MRPL3: variants seen among roughly 807,000 people sequenced by gnomAD.
MRPL3 encodes large ribosomal subunit protein uL3m.
Under a neutral mutation model 44.3 loss-of-function variants are expected in MRPL3, and 43 were observed. The observed-to-expected ratio is 0.97, with a 90% CI of 0.76 to 1.25. The LOEUF (loss-of-function observed/expected upper bound fraction) is 1.25, where lower values mean the gene tolerates loss of function less well. Among genes scored for constraint, MRPL3 ranks in the 50% most tolerant of loss-of-function variants. The probability of loss-of-function intolerance (pLI) is 0.00; values close to 1 mark genes in which losing one functional copy is unlikely to be tolerated. For synonymous variants in MRPL3, 171 were observed against 152.3 expected, an observed-to-expected ratio of 1.12 and a Z score of -0.91; for missense variants, 406 against 427.6, an observed-to-expected ratio of 0.95 and a Z score of 0.45.
Position 131,462,712 on chromosome 3 carries a change from G to A in MRPL3, c.*11C>T, listed in dbSNP as rs777375546. ...CACAGAATATGTAAGGTTCTGCCAC[G>A]TCCAAAGATGTTAGGCAAATGTAAT... is the stretch of plus-strand genomic sequence containing the variant. On this transcript the variant is annotated 3_prime_UTR_variant, in exon 10 of 10. Coordinates refer to ENST00000264995, the MANE Select transcript of MRPL3 (RefSeq NM_007208.4). 1.2e-5 allele frequency: 19 copies of A among 1,607,222 alleles called. No individual in the cohort carries two copies. In the Admixed American group the frequency reaches 1.8e-4, roughly 16 times the overall value.
Position 131,502,812 on chromosome 3 carries a change from A to G in MRPL3, c.10T>C (p.Trp4Arg). 5 of 1,612,166 alleles carry G rather than the reference A, an allele frequency of 3.1e-6. No individual in the cohort carries two copies. Among genetic ancestry groups the G allele is most frequent in the Non-Finnish European group, 4.2e-6 (5 of 1,179,400 alleles). Reference protein sequence around the residue: MPGWRLLTQVGAQV... With the variant: MPGRRLLTQVGAQV... ...GCGCCGACCTGCGTCAGCAGCCTCC[A>G]ACCCGGCATGGATTAGCCCGGGAAG... The change falls in exon 1 of 10, where the codon TGG (tryptophan) becomes CGG (arginine). Residue 4 changes from tryptophan (W) to arginine (R), a missense_variant. Physicochemically the swap from Trp to Arg is moderately radical, Grantham distance 101. Coordinates refer to ENST00000264995, the MANE Select transcript of MRPL3 (RefSeq NM_007208.4).
At chr3:131,482,512 C>G (rs973999327) in intron 6 of MRPL3, among the ~76,000 whole-genome samples, 5 of 143,734 alleles carry the variant, frequency 3.5e-5, no homozygotes, top group African/African-American at 1.3e-4. Flanking sequence ...AAGACTCCGT[C>G]TCAAAAAAAA....
intron 9 of MRPL3, among the ~76,000 whole-genome samples, chr3:131,467,007 CA>C (rs1559811548): frequency 6.6e-6 from 1 of 152,100 alleles, no homozygotes; most frequent in Non-Finnish European, 1.5e-5. Flanking sequence ...TATTTTCCCC[CA>C]GCCTCTGGTA....
chr3:131,465,013 T>C (rs1349072152), intron 9 of MRPL3, among the ~76,000 whole-genome samples: 1 of 152,198 alleles, frequency 6.6e-6, no homozygotes, highest in Non-Finnish European at 1.5e-5. Context: ...TATAAAATGT[T>C]CCCCAAATTC....
chr3:131,489,883 CTT>C (rs1223109252), intron 5 of MRPL3, 96 bp downstream of exon 5: 12 of 660,144 alleles, frequency 1.8e-5, no homozygotes, highest in African/African-American at 1.3e-4. Context: ...GTGTTTGAGA[CTT>C]TGCATTTTAG....
intron 8 of MRPL3, among the ~76,000 whole-genome samples, chr3:131,469,180 TTCC>T (rs373416822): frequency 1.9e-4 from 29 of 151,740 alleles, no homozygotes; most frequent in Admixed American, 9.2e-4. Context: ...GTGCTATTGT[TTCC>T]TCCTATTTTG....
At position 131,462,609 on chromosome 3, in the gene MRPL3, CAT is replaced by C; in HGVS notation, c.*112_*113del. 1.0e-5 allele frequency: 10 copies of C among 994,360 alleles called. No individual in the cohort carries two copies. The highest frequency in any genetic ancestry group is 1.6e-5 in the African/African-American group (1 of 61,074). The allele number at this position is 994,360 out of a possible 1,614,324, so 61.6% of individuals were successfully genotyped here. A position where few individuals can be genotyped will look rare whatever the true frequency, so the allele number is the denominator to read the frequency against. On this transcript the variant is annotated 3_prime_UTR_variant, in exon 10 of 10. Coordinates refer to ENST00000264995, the MANE Select transcript of MRPL3 (RefSeq NM_007208.4). ...ATATTTATGCCCTTGACAAAGATGA[CAT>C]GTGTGATTTTGTTGTGACTAAGAAA...
Position 131,487,702 on chromosome 3 carries a change from A to G in MRPL3, c.607T>C (p.Tyr203His), listed in dbSNP as rs372170222. Residue 203 changes from tyrosine to histidine, a missense_variant, in exon 6 of 10, where the codon TAT becomes CAT. Transcript: ENST00000264995. Reference protein sequence around the residue: ...LYAAHFRPGQYVDVTAKTIGK... With the variant: ...LYAAHFRPGQHVDVTAKTIGK... ...TACGTTTTGGCTGTGACATCCACATACTGTCCTGGACGAAAGTGAGCAGCA... is the reference window on the plus strand; with the variant it reads ...TACGTTTTGGCTGTGACATCCACATGCTGTCCTGGACGAAAGTGAGCAGCA... 11 of 1,611,392 alleles carry G rather than the reference A, an allele frequency of 6.8e-6. No individual in the cohort carries two copies. In the African/African-American group the frequency reaches 1.3e-4, roughly 20 times the overall value.
At chr3:131,476,376 A>G (rs1176860454) in intron 6 of MRPL3, among the ~76,000 whole-genome samples, 1 of 152,198 alleles carries the variant, frequency 6.6e-6, no homozygotes, top group Non-Finnish European at 1.5e-5. Flanking sequence ...TCAACTTGAG[A>G]ACAAAAATAA....
At position 131,487,724 on chromosome 3, in the gene MRPL3, A is replaced by C; in HGVS notation, c.585T>G (p.Ala195=). ...CATACTGTCCTGGACGAAAGTGAGC[A>C]GCATAAAGAGGAGTGCCTTTATGAA... The part of the protein sequence containing the change: ...AAIKPGTPLY[A]AHFRPGQYVD... Residue 195 remains alanine, a synonymous_variant, in exon 6 of 10, where the codon GCT becomes GCG. Transcript: ENST00000264995. The C allele has an allele frequency of 1.2e-6, 2 of 1,610,890 alleles. No individual in the cohort carries two copies. Among genetic ancestry groups the C allele is most frequent in the Non-Finnish European group, 1.7e-6 (2 of 1,179,242 alleles).
chr3:131,469,770 T>C lies in MRPL3; in HGVS notation c.742A>G (p.Ile248Val). Residue 248 changes from isoleucine (I) to valine (V), a missense_variant, in exon 8 of 10, where the codon ATT becomes GTT. Transcript: ENST00000264995. Reference sequence around the variant, plus strand: ...TTAGTTCCAGGCCAGACTCTGCCAATATCCTAAATGAGAAAACTAAAGTTA... The same window carrying C: ...TTAGTTCCAGGCCAGACTCTGCCAACATCCTAAATGAGAAAACTAAAGTTA... The part of the protein sequence containing the change: ...RRPGAVATGD[I>V]GRVWPGTKMP... 6.2e-7 allele frequency: 1 copy of C among 1,610,306 alleles called. No homozygotes were observed. The highest frequency in any genetic ancestry group is 1.1e-5 in the South Asian group (1 of 90,924).
chr3:131,472,993 G>A (rs527672238), intron 6 of MRPL3, among the ~76,000 whole-genome samples: 2 of 152,086 alleles, frequency 1.3e-5, no homozygotes, highest in Admixed American at 1.3e-4. Flanking sequence ...TATACAAAGT[G>A]GTCTACAGAT....
In MRPL3 at chr3:131,498,159, C is replaced by T; in HGVS notation, c.468+20G>A. On this transcript the variant is annotated intron_variant, in intron 4 of 9. Transcript: ENST00000264995. ...ACTGATGAAAAATGCAGTATTCTAG[C>T]TATGAAAATACATCCTTACACGAAA... 6.8e-7 allele frequency: 1 copy of T among 1,479,532 alleles called. No individual in the cohort carries two copies. The highest frequency in any genetic ancestry group is 9.4e-7 in the Non-Finnish European group (1 of 1,058,548). 91.7% of individuals were successfully genotyped at this position (1,479,532 alleles called of 1,614,324 possible). A position where few individuals can be genotyped will look rare whatever the true frequency, so the allele number is the denominator to read the frequency against.
intron 6 of MRPL3, among the ~76,000 whole-genome samples, chr3:131,481,561 C>T (rs1353030613): frequency 6.6e-6 from 1 of 152,172 alleles, no homozygotes; most frequent in Non-Finnish European, 1.5e-5. Context: ...TGCTTTTAGC[C>T]ACCACCTTAC....
intron 6 of MRPL3, among the ~76,000 whole-genome samples, chr3:131,473,388 A>C (rs1330591278): frequency 6.6e-6 from 1 of 152,112 alleles, no homozygotes; most frequent in East Asian, 1.9e-4. Context: ...CTCTCACCAT[A>C]TGCAAAAATC....
intron 6 of MRPL3, among the ~76,000 whole-genome samples, chr3:131,484,743 G>A (rs1253301469): frequency 4.6e-5 from 7 of 152,052 alleles, no homozygotes; most frequent in African/African-American, 1.2e-4. Context: ...GAAGGACAAC[G>A]AATCCTATAA....
chr3:131,501,197 T>C (rs112005735), intron 2 of MRPL3, among the ~76,000 whole-genome samples: 2 of 152,244 alleles, frequency 1.3e-5, no homozygotes, highest in Non-Finnish European at 2.9e-5. Context: ...TGAACATCCA[T>C]GCAACACATT....
intron 4 of MRPL3, among the ~76,000 whole-genome samples, chr3:131,491,989 A>C (rs182491403): frequency 6.6e-6 from 1 of 152,244 alleles, no homozygotes; most frequent in East Asian, 1.9e-4. Context: ...ACCCTGCTTC[A>C]GAAAAAATGC....
chr3:131,494,241 A>G (rs1436138355), intron 4 of MRPL3, among the ~76,000 whole-genome samples: 1 of 152,194 alleles, frequency 6.6e-6, no homozygotes, highest in Non-Finnish European at 1.5e-5. Flanking sequence ...GATAACACAA[A>G]TTCATTCCAA....
Sources: gnomAD v4.1 joint callset for allele counts (sites outside exome capture counted in the v4.1 genomes callset) on GRCh38, gnomAD v4.1.1 for gene constraint, MANE v1.5 for transcripts, NCBI Gene and HGNC (gene_info 2026-07-23, HGNC 2026-07-21) for gene names.